CMSS1: variants seen among roughly 807,000 people sequenced by gnomAD.
CMSS1 encodes the protein protein CMSS1.
Under a neutral mutation model 43.5 loss-of-function variants are expected in CMSS1, and 33 were observed. That is an observed-to-expected ratio of 0.76 (90% confidence interval 0.57 to 1.01). CMSS1 has a LOEUF of 1.01. Ranked by LOEUF, CMSS1 falls within the 50% of genes least tolerant of loss-of-function variation. CMSS1 has a pLI of 0.00. For synonymous variants in CMSS1, 115 were observed against 117.2 expected (o/e 0.98, Z 0.12); for missense variants, 313 against 326.4 (o/e 0.96, Z 0.32).
intron 1 of CMSS1, among the ~76,000 whole-genome samples, chr3:100,111,303 A>G (rs1485097051): frequency 6.6e-6 from 1 of 152,122 alleles, no homozygotes; most frequent in Non-Finnish European, 1.5e-5. Flanking sequence ...GGCTATGAGT[A>G]CTCATGTTGA....
At chr3:100,084,631 A>G (rs968170278) in intron 1 of CMSS1, among the ~76,000 whole-genome samples, 5 of 152,222 alleles carry the variant, frequency 3.3e-5, no homozygotes, top group African/African-American at 1.2e-4. Flanking sequence ...TACTATGTCT[A>G]TGCAAGGGAT....
intron 1 of CMSS1, among the ~76,000 whole-genome samples, chr3:99,905,076 C>T (rs114061151): frequency 0.014 from 2,111 of 152,288 alleles, 42 homozygotes; most frequent in African/African-American, 0.044. Flanking sequence ...TGCCTGGTGA[C>T]TCCCACTGGT....
At chr3:99,893,970 A>G (rs937442081) in intron 1 of CMSS1, among the ~76,000 whole-genome samples, 2 of 152,186 alleles carry the variant, frequency 1.3e-5, no homozygotes, top group Non-Finnish European at 2.9e-5. Flanking sequence ...GATATTCAGT[A>G]TTCATTTATT....
At position 99,826,555 on chromosome 3, in the gene CMSS1, G is replaced by A. The variant is rs1942539701; in HGVS notation, c.64+8512G>A. ...TTTTGATTGTTTTTCAACTTTCACA[G>A]TGGGTTGAATTTGGCCTGTGAACCG... On this transcript the variant is annotated intron_variant, in intron 1 of 9. Coordinates refer to ENST00000421999, the MANE Select transcript of CMSS1 (RefSeq NM_032359.4). Among the ~76,000 whole-genome samples, 5 of 152,306 alleles carry A rather than the reference G, an allele frequency of 3.3e-5. No homozygotes were observed. The South Asian group carries it at 1.0e-3, about 32-fold the overall frequency.
At chr3:100,173,974 T>C (rs925397429) in intron 8 of CMSS1, among the ~76,000 whole-genome samples, 8 of 152,150 alleles carry the variant, frequency 5.3e-5, no homozygotes, top group Non-Finnish European at 1.0e-4. Flanking sequence ...AAAATGCCAA[T>C]AAAGAGCTCA....
chr3:100,135,438 A>ATGTGTGTGTGTGTGTGTG (rs71132511), intron 1 of CMSS1, among the ~76,000 whole-genome samples: 3 of 120,732 alleles, frequency 2.5e-5, no homozygotes, highest in African/African-American at 9.8e-5. Flanking sequence ...GTGTGTGTGC[A>ATGTGTGTGTGTGTGTGTG]TGTGTGTGTG....
chr3:100,087,013 T>C (rs1478631956), intron 1 of CMSS1, among the ~76,000 whole-genome samples: 1 of 152,244 alleles, frequency 6.6e-6, no homozygotes, highest in Non-Finnish European at 1.5e-5. Flanking sequence ...ACTATCCAAA[T>C]TGTCATGTGT....
chr3:99,875,573 G>C (rs1705470321), intron 1 of CMSS1, among the ~76,000 whole-genome samples: 1 of 152,174 alleles, frequency 6.6e-6, no homozygotes, highest in South Asian at 2.1e-4. Context: ...TTTTAAGTTA[G>C]ATTCGTCTTA....
intron 6 of CMSS1, among the ~76,000 whole-genome samples, chr3:100,171,388 C>T (rs1045756470): frequency 6.6e-6 from 1 of 152,018 alleles, no homozygotes; most frequent in Non-Finnish European, 1.5e-5. Context: ...TCCCTCATGG[C>T]CACCACAGGC....
At chr3:100,113,702 C>T (rs758893322) in intron 1 of CMSS1, among the ~76,000 whole-genome samples, 8 of 152,102 alleles carry the variant, frequency 5.3e-5, no homozygotes, top group Non-Finnish European at 7.4e-5. Flanking sequence ...CAAAATCAAG[C>T]TATTAAGAAG....
chr3:99,900,684 C>A (rs192383537), intron 1 of CMSS1, among the ~76,000 whole-genome samples: 8 of 152,184 alleles, frequency 5.3e-5, no homozygotes, highest in African/African-American at 1.9e-4. Flanking sequence ...TGTAATCTTC[C>A]CTCTTTCTTC....
At chr3:100,130,301 A>G (rs1018371599) in intron 1 of CMSS1, among the ~76,000 whole-genome samples, 1 of 152,236 alleles carries the variant, frequency 6.6e-6, no homozygotes, top group African/African-American at 2.4e-5. Flanking sequence ...AGAAAAATTA[A>G]TTCTACTGGA....
intron 1 of CMSS1, among the ~76,000 whole-genome samples, chr3:100,001,721 G>A (rs1192905191): frequency 6.6e-6 from 1 of 152,072 alleles, no homozygotes; most frequent in Admixed American, 6.6e-5. Flanking sequence ...ATGTGGCCAA[G>A]GTTTTCAAAA....
intron 1 of CMSS1, among the ~76,000 whole-genome samples, chr3:99,890,479 A>G (rs1255137250): frequency 6.6e-6 from 1 of 152,086 alleles, no homozygotes; most frequent in Non-Finnish European, 1.5e-5. Context: ...AATCTCTTAT[A>G]ACCTAGATTA....
At chr3:100,026,747 A>G (rs1380507366) in intron 1 of CMSS1, among the ~76,000 whole-genome samples, 2 of 152,078 alleles carry the variant, frequency 1.3e-5, no homozygotes, top group Admixed American at 1.3e-4. Flanking sequence ...CTGTGGTCCA[A>G]ACCACCACCG....
chr3:99,953,986 G>A (rs1338291979), intron 1 of CMSS1, among the ~76,000 whole-genome samples: 2 of 152,228 alleles, frequency 1.3e-5, no homozygotes. Context: ...CTTCTTAGAA[G>A]TTGCATTCCT....
At chr3:99,990,043 G>T (rs1054333568) in intron 1 of CMSS1, among the ~76,000 whole-genome samples, 1 of 152,120 alleles carries the variant, frequency 6.6e-6, no homozygotes, top group Non-Finnish European at 1.5e-5. Context: ...CCCATAAAAT[G>T]ACTATTTTTG....
At chr3:100,089,266 C>G (rs1296270505) in intron 1 of CMSS1, among the ~76,000 whole-genome samples, 1 of 152,082 alleles carries the variant, frequency 6.6e-6, no homozygotes, top group Admixed American at 6.6e-5. Context: ...GCTGTATTTG[C>G]CCTACAGGAA....
chr3:99,823,268 T>C (rs1317233533), intron 1 of CMSS1, among the ~76,000 whole-genome samples: 1 of 152,256 alleles, frequency 6.6e-6, no homozygotes, highest in Non-Finnish European at 1.5e-5. Context: ...AACTCAAACC[T>C]GATCCTGGAG....
Sources: allele counts gnomAD v4.1 joint callset (sites outside exome capture counted in the v4.1 genomes callset), GRCh38; gene constraint gnomAD v4.1.1; transcripts MANE v1.5; gene names NCBI Gene and HGNC (gene_info 2026-07-23, HGNC 2026-07-21).